POLRMT: variants seen among roughly 807,000 people sequenced by gnomAD.
The protein encoded by POLRMT is DNA-directed RNA polymerase, mitochondrial.
POLRMT carries 114 observed loss-of-function variants against 132.2 expected under a neutral mutation model. The observed-to-expected ratio is 0.86, with a 90% CI of 0.74 to 1.01. The LOEUF is 1.01. POLRMT is among the 50% of genes least tolerant of loss of function. The pLI, the probability that POLRMT is intolerant of heterozygous loss-of-function variation, is 0.00. For synonymous variants in POLRMT, 1,020 were observed against 773.4 expected (o/e 1.32, Z -5.29); for missense variants, 2,003 against 1,729.1 (o/e 1.16, Z -2.81).
rs757781469 is a variant in POLRMT, at chr19:621,282, T to A, written c.2416A>T (p.Thr806Ser). ...TTGAAGTGCGGCGGGCAGGGGTAGG[T>A]GCGGCCGCGGAAGTCCATGTTGTGC... is the stretch of plus-strand genomic sequence containing the variant. Reference protein sequence around the residue: ...LPHNMDFRGRTYPCPPHFNHL... With the variant: ...LPHNMDFRGRSYPCPPHFNHL... Residue 806 changes from threonine (T) to serine (S), a missense_variant, in exon 10 of 21, where the codon ACC (threonine) becomes TCC (serine). Thr to Ser is a moderately conservative substitution (Grantham distance 58, BLOSUM62 1). Coordinates refer to ENST00000588649, the MANE Select transcript of POLRMT (RefSeq NM_005035.4). 3 of 1,605,172 alleles carry A rather than the reference T, an allele frequency of 1.9e-6. No homozygotes were observed. The highest frequency in any genetic ancestry group is 2.5e-6 in the Non-Finnish European group (3 of 1,177,564).
chr19:618,272 T>A, intron 17 of POLRMT: 1 of 566,926 alleles, frequency 1.8e-6, no homozygotes, highest in Non-Finnish European at 3.1e-6. Context: ...GCGCCCATGC[T>A]CGGCTCTCCC....
chr19:628,697 A>C (rs558980398), intron 3 of POLRMT, among the ~76,000 whole-genome samples: 7 of 152,208 alleles, frequency 4.6e-5, no homozygotes, highest in African/African-American at 1.7e-4. Context: ...CCTCCAAAAC[A>C]ACCAAGAGTT....
chr19:618,939 G>A lies in POLRMT; in HGVS notation c.3267+58C>T, dbSNP rs953313455. The A allele has an allele frequency of 9.1e-6, 13 of 1,427,094 alleles. No homozygotes were observed. In the Middle Eastern group the frequency reaches 7.5e-4, roughly 82 times the overall value. 88.4% of individuals were successfully genotyped at this position (1,427,094 alleles called of 1,614,324 possible). Reference sequence around the variant, plus strand: ...TGGTACGCTGGGGCACTGGTACACTGGGACGCTGTTACACTGGGATGGTGG... The same window carrying A: ...TGGTACGCTGGGGCACTGGTACACTAGGACGCTGTTACACTGGGATGGTGG... On this transcript the variant is annotated intron_variant, in intron 15 of 20. Coordinates refer to ENST00000588649, the MANE Select transcript of POLRMT (RefSeq NM_005035.4).
At position 633,022 on chromosome 19, in the gene POLRMT, G is replaced by T. The variant is rs998984773; in HGVS notation, c.89-84C>A. 24 of 955,774 alleles carry T rather than the reference G, an allele frequency of 2.5e-5. No homozygotes were observed. In the Admixed American group the frequency reaches 2.7e-4, roughly 11 times the overall value. 59.2% of individuals were successfully genotyped at this position (955,774 alleles called of 1,614,324 possible). ...AAGGCAGAAGCCGAAGGGTCGAAGG[G>T]CAAAGGAGCCCTAAACGCAGCGGAA... On this transcript the variant is annotated intron_variant, in intron 1 of 20. Transcript: ENST00000588649.
Position 619,229 on chromosome 19 carries a change from G to A in POLRMT, c.3134C>T (p.Ser1045Leu), listed in dbSNP as rs199504612. The part of the protein sequence containing the change: ...QVFKSLQEMF[S>L]GTRAIQHWLT... ...ACGTACCTGGATGGCCCGGGTCCCCGAGAACATCTCCTGTAGACTCTTGAA... is the reference window on the plus strand; with the variant it reads ...ACGTACCTGGATGGCCCGGGTCCCCAAGAACATCTCCTGTAGACTCTTGAA... The change falls in exon 14 of 21, where the codon TCG (serine) becomes TTG (leucine). Residue 1045 changes from serine to leucine, a missense_variant. By Grantham distance (145) the Ser-to-Leu change is moderately radical (BLOSUM62 -2). Coordinates refer to ENST00000588649, the MANE Select transcript of POLRMT (RefSeq NM_005035.4). The A allele has an allele frequency of 4.4e-5, 71 of 1,610,358 alleles. No homozygotes were observed. The highest frequency in any genetic ancestry group is 5.5e-5 in the South Asian group (5 of 90,876).
chr19:620,788 G>A (rs1164644770), intron 10 of POLRMT, among the ~76,000 whole-genome samples: 1 of 124,946 alleles, frequency 8.0e-6, no homozygotes, highest in Non-Finnish European at 1.7e-5. Context: ...TGCAGGGGAG[G>A]GGGGAACGTG....
intron 17 of POLRMT, chr19:618,050 A>G (rs1984148686): frequency 6.8e-6 from 4 of 589,088 alleles, no homozygotes; most frequent in Non-Finnish European, 1.2e-5. Context: ...ATGTTCCCAG[A>G]AGCCTCCTCG....
Position 618,897 on chromosome 19 carries a change from G to A in POLRMT, c.3267+100C>T, listed in dbSNP as rs1000337274. 14 of 1,352,264 alleles carry A rather than the reference G, an allele frequency of 1.0e-5. No homozygotes were observed. The Admixed American group carries it at 1.8e-4, about 18-fold the overall frequency. The allele number at this position is 1,352,264 out of a possible 1,614,324, so 83.8% of individuals were successfully genotyped here. Reference sequence around the variant, plus strand: ...CGGGATGGGGTGGCACACTGGGGCGGTGGTACACTGGGGTGGTGGTACGCT... The same window carrying A: ...CGGGATGGGGTGGCACACTGGGGCGATGGTACACTGGGGTGGTGGTACGCT... On this transcript the variant is annotated intron_variant, in intron 15 of 20. Coordinates refer to ENST00000588649, the MANE Select transcript of POLRMT (RefSeq NM_005035.4).
At chr19:624,581 G>A (rs111348780) in intron 5 of POLRMT, 138 bp downstream of exon 5, 3 of 978,656 alleles carry the variant, frequency 3.1e-6, no homozygotes, top group African/African-American at 1.7e-5. Context: ...TCTTCTCAGA[G>A]GAGGAAGGGA....
At chr19:617,389 C>G in intron 20 of POLRMT, 30 bp downstream of exon 20, 1 of 1,612,298 alleles carries the variant, frequency 6.2e-7, no homozygotes, top group Non-Finnish European at 8.5e-7. Context: ...GCAGTTCGAG[C>G]CACCCTTGCG....
intron 5 of POLRMT, 133 bp downstream of exon 5, chr19:624,586 A>G (rs1444759426): frequency 3.0e-6 from 3 of 1,013,724 alleles, no homozygotes; most frequent in Non-Finnish European, 4.2e-6. Flanking sequence ...TCAGAGGAGG[A>G]AGGGAGGAAT....
rs35674455 is a variant in POLRMT, at chr19:627,924, C to CAA, written c.822+1614_822+1615dup. Among the ~76,000 whole-genome samples, 979 of 101,798 alleles carry CAA rather than the reference C, an allele frequency of 9.6e-3. 6 individuals are homozygous for CAA. Among genetic ancestry groups the CAA allele is most frequent in the African/African-American group, 0.033 (845 of 25,634 alleles). The allele number at this position is 101,798 out of a possible 152,430, so 66.8% of individuals were successfully genotyped here. ...TGGGCAACAGACAGAGAGTCTATCTCAAAAAAAAAAAAAAAAAAAAGATAG... is the reference window on the plus strand; with the variant it reads ...TGGGCAACAGACAGAGAGTCTATCTCAAAAAAAAAAAAAAAAAAAAAAGATAG... On this transcript the variant is annotated intron_variant, in intron 3 of 20. Coordinates refer to ENST00000588649, the MANE Select transcript of POLRMT (RefSeq NM_005035.4).
In POLRMT at chr19:622,833, C is replaced by G. The variant is rs373669217; in HGVS notation, c.1443G>C (p.Arg481=). The change falls in exon 7 of 21, where the codon CGG becomes CGC. Residue 481 remains arginine (R), a synonymous_variant. Transcript: ENST00000588649. Reference sequence around the variant, plus strand: ...GAGGAAGACGCACCTGCAGGAGCATCCGCACCACCTCGCGCTCGTCCAGCA... The same window carrying G: ...GAGGAAGACGCACCTGCAGGAGCATGCGCACCACCTCGCGCTCGTCCAGCA... ...LCLLDEREVV[R]MLLQVLQALP... 4 of 1,593,500 alleles carry G rather than the reference C, an allele frequency of 2.5e-6. No homozygotes were observed. The highest frequency in any genetic ancestry group is 1.1e-5 in the South Asian group (1 of 88,952).
In POLRMT at chr19:617,372, C is replaced by G. The variant is rs745849123; in HGVS notation, c.3643+47G>C. On this transcript the variant is annotated intron_variant, in intron 20 of 20. Transcript: ENST00000588649. Reference sequence around the variant, plus strand: ...GCGTGGGTGGCGGGAAAGCCCCGCCCTGGCCCGCAGTTCGAGCCACCCTTG... The same window carrying G: ...GCGTGGGTGGCGGGAAAGCCCCGCCGTGGCCCGCAGTTCGAGCCACCCTTG... The G allele has an allele frequency of 3.7e-6, 6 of 1,612,312 alleles. No individual in the cohort carries two copies. The African/African-American group carries it at 6.7e-5, about 18-fold the overall frequency.
chr19:629,768 G>A lies in POLRMT; in HGVS notation c.594C>T (p.Ala198=), dbSNP rs759537656. 3.8e-6 allele frequency: 6 copies of A among 1,569,524 alleles called. No individual in the cohort carries two copies. In the South Asian group the frequency reaches 4.7e-5, roughly 12 times the overall value. The change falls in exon 3 of 21, where the codon GCC becomes GCT. Residue 198 remains alanine (A), a synonymous_variant. Transcript: ENST00000588649. The part of the protein sequence containing the change: ...EEQLARLLQE[A]PGKLSLDVEQ... ...CCACATCGAGGCTCAGCTTCCCAGG[G>A]GCCTCCTGCAGCAGCCGGGCCAGCT...
chr19:623,282 G>C (rs937075598), intron 6 of POLRMT, among the ~76,000 whole-genome samples, 172 bp downstream of exon 6: 1 of 152,214 alleles, frequency 6.6e-6, no homozygotes, highest in Admixed American at 6.5e-5. Context: ...TGCATGACCA[G>C]ACCAGGGCAT....
chr19:626,965 C>T (rs1330613529), intron 3 of POLRMT, among the ~76,000 whole-genome samples: 1 of 151,050 alleles, frequency 6.6e-6, no homozygotes, highest in East Asian at 1.9e-4. Context: ...TTCCTGACAT[C>T]CCTGTTCTGA....
rs764588095 is a variant in POLRMT, at chr19:633,520, G to A, written c.-8C>T. On this transcript the variant is annotated 5_prime_UTR_variant, in exon 1 of 21. Transcript: ENST00000588649. The stretch of plus-strand genomic sequence containing the variant: ...CCAGCAAAGTGCCGACATTACGCAC[G>A]CCGCTCCAGGCCACCCCACCGGCCC... The A allele has an allele frequency of 2.7e-5, 21 of 772,536 alleles. No individual in the cohort carries two copies. The highest frequency in any genetic ancestry group is 3.8e-5 in the Non-Finnish European group (21 of 549,152). The allele number at this position is 772,536 out of a possible 1,614,324, so 47.9% of individuals were successfully genotyped here. A position where few individuals can be genotyped will look rare whatever the true frequency, so the allele number is the denominator to read the frequency against.
rs1310436393 is a variant in POLRMT, at chr19:619,597, C to T, written c.3055G>A (p.Asp1019Asn). The T allele has an allele frequency of 1.2e-6, 2 of 1,611,298 alleles. No homozygotes were observed. The highest frequency in any genetic ancestry group is 1.1e-5 in the South Asian group (1 of 91,002). Reference sequence around the variant, plus strand: ...CATGCCTGGCGCACCTGGGGAAAGTCGCTCAGCTCCCGGAGGCGCTTCTCA... The same window carrying T: ...CATGCCTGGCGCACCTGGGGAAAGTTGCTCAGCTCCCGGAGGCGCTTCTCA... ...QIEKRLRELSDFPQEFVWEAS... is the reference protein window; with the variant it reads ...QIEKRLRELSNFPQEFVWEAS... Residue 1019 changes from aspartate to asparagine, a missense_variant, in exon 13 of 21, where the codon GAC becomes AAC. Asp to Asn is a conservative substitution (Grantham distance 23). Coordinates refer to ENST00000588649, the MANE Select transcript of POLRMT (RefSeq NM_005035.4).
Sources: allele counts gnomAD v4.1 joint callset (sites outside exome capture counted in the v4.1 genomes callset), GRCh38; gene constraint gnomAD v4.1.1; transcripts MANE v1.5; gene names NCBI Gene and HGNC (gene_info 2026-07-23, HGNC 2026-07-21).